The following C4orf54 variants were observed in gnomAD, a reference collection of about 807,000 sequenced individuals.
C4orf54 encodes chromosome 4 open reading frame 54.
Under a neutral mutation model 80.1 loss-of-function variants are expected in C4orf54, and 67 were observed. The ratio of observed to expected loss-of-function variants is 0.84; its 90% CI spans 0.69 to 1.03. The LOEUF is 1.03. Ranked by LOEUF, C4orf54 falls within the 50% of genes least tolerant of loss-of-function variation. The probability of loss-of-function intolerance (pLI) is 0.00; values close to 1 mark genes in which losing one functional copy is unlikely to be tolerated. For missense variants in C4orf54, 2,434 were observed against 2,253.5 expected, an observed-to-expected ratio of 1.08 and a Z score of -1.62; for synonymous variants, 1,000 against 917.0, an observed-to-expected ratio of 1.09 and a Z score of -1.64.
At chr4:99,647,733 G>A (rs1321822340) in intron 2 of C4orf54, among the ~76,000 whole-genome samples, 8 of 152,070 alleles carry the variant, frequency 5.3e-5, no homozygotes, top group Non-Finnish European at 1.2e-4. Flanking sequence ...CTCTTAATTT[G>A]AACAAAATTT....
intron 2 of C4orf54, among the ~76,000 whole-genome samples, chr4:99,644,177 T>A (rs1256300930): frequency 1.3e-5 from 2 of 152,102 alleles, no homozygotes; most frequent in African/African-American, 4.8e-5. Context: ...TGATCTGGGA[T>A]AAGTTAATGT....
chr4:99,650,129 G>A lies in C4orf54; in HGVS notation c.4520C>T (p.Pro1507Leu), dbSNP rs1726779843. The stretch of plus-strand genomic sequence containing the variant: ...GACCTGACTGCGGGCACTCAGCGGG[G>A]GTAAACTACAGAGAGTGGCAGCTGA... Reference protein sequence around the residue: ...NSSAATLCSLPPLSARSQVPS... With the variant: ...NSSAATLCSLLPLSARSQVPS... The change falls in exon 2 of 3, where the codon CCC (proline) becomes CTC (leucine). Residue 1507 changes from proline to leucine, a missense_variant. By Grantham distance (98) the Pro-to-Leu change is moderately conservative (BLOSUM62 -3). Transcript: ENST00000511828. The A allele has an allele frequency of 3.1e-5, 47 of 1,535,976 alleles. No individual in the cohort carries two copies. Among genetic ancestry groups the A allele is most frequent in the Non-Finnish European group, 4.0e-5 (46 of 1,146,866 alleles).
intron 2 of C4orf54, among the ~76,000 whole-genome samples, chr4:99,646,236 T>C (rs1344469092): frequency 6.6e-6 from 1 of 152,212 alleles, no homozygotes; most frequent in Non-Finnish European, 1.5e-5. Context: ...TGCAGTTTTG[T>C]GTGTACAAGT....
At chr4:99,655,453 C>T (rs551259286) in intron 1 of C4orf54, among the ~76,000 whole-genome samples, 69 of 152,312 alleles carry the variant, frequency 4.5e-4, no homozygotes, top group African/African-American at 1.3e-3. Flanking sequence ...GATTCGGTTA[C>T]GCTGGCTGAA....
chr4:99,654,446 C>T lies in C4orf54; in HGVS notation c.203G>A (p.Arg68Lys), dbSNP rs1355901638. Residue 68 changes from arginine (R) to lysine (K), a missense_variant, in exon 2 of 3, where the codon AGG becomes AAG. Physicochemically the swap from Arg to Lys is conservative, Grantham distance 26. Transcript: ENST00000511828. ...QPQTTSTASS[R>K]SLPTSLRLAA... ...AAGCCTGAGGGAGGTGGGAAGGCTC[C>T]TGGATGAGGCGGTGGAGGTGGTCTG... The T allele has an allele frequency of 8.3e-6, 6 of 723,824 alleles. No individual in the cohort carries two copies. Among genetic ancestry groups the T allele is most frequent in the East Asian group, 2.7e-5 (1 of 37,366 alleles). The allele number at this position is 723,824 out of a possible 1,614,324, so 44.8% of individuals were successfully genotyped here.
In C4orf54 at chr4:99,649,597, A is replaced by G; in HGVS notation, c.5052T>C (p.Pro1684=). 6.5e-7 allele frequency: 1 copy of G among 1,536,150 alleles called. No individual in the cohort carries two copies. Among genetic ancestry groups the G allele is most frequent in the Non-Finnish European group, 8.7e-7 (1 of 1,146,914 alleles). The stretch of plus-strand genomic sequence containing the variant: ...GCAGAGCATTGGTGGGCAGCACGGT[A>G]GGCAGAAACCCAGGGTAAATCATGT... ...PTYMIYPGFL[P]TVLPTNALQP... Residue 1684 remains proline (P), a synonymous_variant, in exon 2 of 3, where the codon CCT becomes CCC. Coordinates refer to ENST00000511828, the MANE Select transcript of C4orf54 (RefSeq NM_001354435.2).
Position 99,651,667 on chromosome 4 carries a change from G to A in C4orf54, c.2982C>T (p.Asn994=), listed in dbSNP as rs899023541. 5 of 1,535,978 alleles carry A rather than the reference G, an allele frequency of 3.3e-6. No homozygotes were observed. In the African/African-American group the frequency reaches 6.8e-5, roughly 21 times the overall value. ...NTIMSRLFVP[N]IQQTPKDKQP... ...GCTTGTCCTTGGGTGTCTGCTGGATGTTGGGGACAAAGAGGCGAGACATGA... is the reference window on the plus strand; with the variant it reads ...GCTTGTCCTTGGGTGTCTGCTGGATATTGGGGACAAAGAGGCGAGACATGA... The change falls in exon 2 of 3, where the codon AAC becomes AAT. Residue 994 remains asparagine (N), a synonymous_variant. Transcript: ENST00000511828.
intron 2 of C4orf54, among the ~76,000 whole-genome samples, chr4:99,643,769 C>CACAT (rs1263591732): frequency 7.1e-6 from 1 of 140,350 alleles, no homozygotes; most frequent in African/African-American, 2.7e-5. Flanking sequence ...CACACACACA[C>CACAT]ACACACACAC....
Position 99,652,449 on chromosome 4 carries a change from G to T in C4orf54, c.2200C>A (p.Pro734Thr). The T allele has an allele frequency of 6.5e-7, 1 of 1,536,082 alleles. No individual in the cohort carries two copies. The highest frequency in any genetic ancestry group is 8.7e-7 in the Non-Finnish European group (1 of 1,146,882). The change falls in exon 2 of 3, where the codon CCC becomes ACC. Residue 734 changes from proline to threonine, a missense_variant. By Grantham distance (38) the Pro-to-Thr change is conservative. Transcript: ENST00000511828. ...TGGACCTGCTTCTGGAAACACAGGG[G>T]CGTCTCCACATGTTTGATTTCCCCC... The part of the protein sequence containing the change: ...VEGEIKHVET[P>T]LCFQKQVQTG...
chr4:99,646,768 T>C (rs1726707686), intron 2 of C4orf54, among the ~76,000 whole-genome samples: 1 of 152,248 alleles, frequency 6.6e-6, no homozygotes, highest in Non-Finnish European at 1.5e-5. Flanking sequence ...GCAATAAGTC[T>C]GGTTTTTAAG....
In C4orf54 at chr4:99,651,601, G is replaced by A; in HGVS notation, c.3048C>T (p.Ala1016=). Residue 1016 remains alanine, a synonymous_variant, in exon 2 of 3, where the codon GCC becomes GCT. Transcript: ENST00000511828. Reference sequence around the variant, plus strand: ...TGGGTCTGATCACCGCTGTGGAGGTGGCCTGAGCAGCAGGGTACTTGGTGG... The same window carrying A: ...TGGGTCTGATCACCGCTGTGGAGGTAGCCTGAGCAGCAGGGTACTTGGTGG... The part of the protein sequence containing the change: ...KQATKYPAAQ[A]TSTAVIRPKA... The A allele has an allele frequency of 2.0e-6, 3 of 1,536,098 alleles. No homozygotes were observed. Among genetic ancestry groups the A allele is most frequent in the Non-Finnish European group, 1.7e-6 (2 of 1,146,910 alleles).
chr4:99,646,297 G>T (rs1295536123), intron 2 of C4orf54, among the ~76,000 whole-genome samples: 1 of 152,154 alleles, frequency 6.6e-6, no homozygotes. Context: ...CCGTATGTGG[G>T]TTTACGGCCC....
chr4:99,643,792 A>ACACACACACACACACACACCCCCC (rs61130907), intron 2 of C4orf54, among the ~76,000 whole-genome samples: 1 of 98,862 alleles, frequency 1.0e-5, no homozygotes, highest in Admixed American at 1.2e-4. Context: ...ACACACACAC[A>ACACACACACACACACACACCCCCC]CCCCCTCCGC....
rs1356568806 is a variant in C4orf54 at position 99,654,457 on chromosome 4, G to C, written c.192C>G (p.Thr64=). ...AGGTGGGAAGGCTCCTGGATGAGGC[G>C]GTGGAGGTGGTCTGTGGCTGGGGGG... ...AAAPQPQTTS[T]ASSRSLPTSL... is the part of the protein sequence containing the mutation. The change falls in exon 2 of 3, where the codon ACC becomes ACG. Residue 64 remains threonine, a synonymous_variant. Transcript: ENST00000511828. The C allele has an allele frequency of 1.7e-5, 12 of 713,848 alleles. 1 individual carries two copies. The highest frequency in any genetic ancestry group is 1.6e-4 in the South Asian group (11 of 67,790). The allele number at this position is 713,848 out of a possible 1,614,324, so 44.2% of individuals were successfully genotyped here. A position where few individuals can be genotyped will look rare whatever the true frequency, so the allele number is the denominator to read the frequency against.
rs1726759885 is a variant in C4orf54, at chr4:99,649,490, G to T, written c.5159C>A (p.Ala1720Glu). The change falls in exon 2 of 3, where the codon GCA (alanine) becomes GAA (glutamate). Residue 1720 changes from alanine to glutamate, a missense_variant. Ala to Glu is a moderately radical substitution (Grantham distance 107). Coordinates refer to ENST00000511828, the MANE Select transcript of C4orf54 (RefSeq NM_001354435.2). ...VAEPSSKEAA[A>E]TFTEAPYFMA... ...GAAGTATGGGGCCTCGGTGAACGTT[G>T]CAGCTGCCTCTTTGCTGGAAGGTTC... 6.5e-7 allele frequency: 1 copy of T among 1,536,084 alleles called. No homozygotes were observed. Among genetic ancestry groups the T allele is most frequent in the South Asian group, 1.2e-5 (1 of 84,070 alleles).
intron 2 of C4orf54, 121 bp downstream of exon 2, chr4:99,649,110 C>A: frequency 1.0e-6 from 1 of 999,182 alleles, no homozygotes; most frequent in South Asian, 1.9e-5. Context: ...TTGTTCTATT[C>A]TCTCAAAACA....
chr4:99,649,188 T>C, intron 2 of C4orf54, 43 bp downstream of exon 2: 3 of 1,421,686 alleles, frequency 2.1e-6, no homozygotes, highest in Non-Finnish European at 2.8e-6. Flanking sequence ...AAAATATTGT[T>C]CTTACTCTCT....
chr4:99,650,121 T>C lies in C4orf54; in HGVS notation c.4528A>G (p.Ser1510Gly), dbSNP rs1726779239. 6.5e-7 allele frequency: 1 copy of C among 1,535,462 alleles called. No homozygotes were observed. The highest frequency in any genetic ancestry group is 8.7e-7 in the Non-Finnish European group (1 of 1,146,810). Residue 1510 changes from serine (S) to glycine (G), a missense_variant, in exon 2 of 3, where the codon AGT becomes GGT. Transcript: ENST00000511828. ...AATLCSLPPL[S>G]ARSQVPSSSK... ...CTACTGGGGACCTGACTGCGGGCAC[T>C]CAGCGGGGGTAAACTACAGAGAGTG...
rs1726848595 is a variant in C4orf54 at position 99,652,042 on chromosome 4, G to C, written c.2607C>G (p.His869Gln). ...ERGLQRQSSR[H>Q]SEAGSEYTVV... ...CTGTGTACTCGGAGCCGGCCTCGGA[G>C]TGACGAGAGCTCTGCCTCTGCAGGC... Residue 869 changes from histidine to glutamine, a missense_variant, in exon 2 of 3, where the codon CAC becomes CAG. Coordinates refer to ENST00000511828, the MANE Select transcript of C4orf54 (RefSeq NM_001354435.2). The C allele has an allele frequency of 6.5e-7, 1 of 1,536,032 alleles. No individual in the cohort carries two copies.
Sources: gnomAD v4.1 joint callset for allele counts (sites outside exome capture counted in the v4.1 genomes callset) on GRCh38, gnomAD v4.1.1 for gene constraint, MANE v1.5 for transcripts, NCBI Gene and HGNC (gene_info 2026-07-23, HGNC 2026-07-21) for gene names.